ZAN: variants seen among roughly 807,000 people sequenced by gnomAD.
ZAN encodes zonadhesin.
ZAN carries 260 observed loss-of-function variants against 286.2 expected under a neutral mutation model. The observed-to-expected ratio is 0.91, with a 90% CI of 0.82 to 1.01. ZAN has a LOEUF of 1.01. Ranked by LOEUF, ZAN falls within the 50% of genes least tolerant of loss-of-function variation. The probability of loss-of-function intolerance (pLI) is 0.00; values close to 1 mark genes in which losing one functional copy is unlikely to be tolerated. For missense variants in ZAN, 3,410 were observed against 3,639.2 expected, an observed-to-expected ratio of 0.94 and a Z score of 1.62; for synonymous variants, 1,368 against 1,417.5, an observed-to-expected ratio of 0.97 and a Z score of 0.79.
chr7:100,744,813 A>C (rs1584553506), intron 7 of ZAN, among the ~76,000 whole-genome samples: 1 of 141,096 alleles, frequency 7.1e-6, no homozygotes. Flanking sequence ...TATTTTCTTC[A>C]CCTTTCACTT....
rs1178162133 is a variant in ZAN, at chr7:100,775,722, T to C, written c.6081T>C (p.Ser2027=). ...CCATCTCCCAGATCCCTGGGGTCAG[T>C]GTCAAGTCCAGCAGCATCTACAGCA... The part of the protein sequence containing the change: ...LPAISQIPGV[S]VKSSSIYSIV... The change falls in exon 33 of 48, where the codon AGT becomes AGC. Residue 2027 remains serine (S), a synonymous_variant. Coordinates refer to ENST00000613979, the MANE Select transcript of ZAN (RefSeq NM_003386.3). 1.2e-6 allele frequency: 2 copies of C among 1,613,784 alleles called. No homozygotes were observed. Among genetic ancestry groups the C allele is most frequent in the Non-Finnish European group, 8.5e-7 (1 of 1,179,876 alleles).
Position 100,769,979 on chromosome 7 carries a change from GAC to G in ZAN, c.5248+7_5248+8del, listed in dbSNP as rs1268717805. ...CGATCTTAATAAACCCTCAGGGTAA[GAC>G]ATGTCCCTGCTGGCCCTTTTTCCTC... On this transcript the variant is annotated splice_donor_region_variant and intron_variant, in intron 28 of 47. Transcript: ENST00000613979. The G allele has an allele frequency of 6.4e-7, 1 of 1,559,230 alleles. No homozygotes were observed.
At chr7:100,756,568 A>G (rs931745265) in intron 15 of ZAN, among the ~76,000 whole-genome samples, 1 of 151,896 alleles carries the variant, frequency 6.6e-6, no homozygotes, top group Non-Finnish European at 1.5e-5. Context: ...GCCTCCTTTA[A>G]CCAGTCTCCT....
intron 7 of ZAN, among the ~76,000 whole-genome samples, chr7:100,744,969 C>T (rs1171459213): frequency 1.3e-5 from 2 of 151,168 alleles, no homozygotes; most frequent in African/African-American, 2.4e-5. Flanking sequence ...CTGCAACCTC[C>T]GCCTCCCGGG....
Position 100,753,746 on chromosome 7 carries a change from T to A in ZAN, c.3124+517T>A, listed in dbSNP as rs559860363. The stretch of plus-strand genomic sequence containing the variant: ...TACTCGGGAGGCTGAGGTGGGAGGA[T>A]CACTTGAGCCTAGGAGGCTGAGGCT... On this transcript the variant is annotated intron_variant, in intron 14 of 47. Coordinates refer to ENST00000613979, the MANE Select transcript of ZAN (RefSeq NM_003386.3). Among the ~76,000 whole-genome samples the A allele has an allele frequency of 5.5e-5, 8 of 145,506 alleles. No homozygotes were observed. In the South Asian group the frequency reaches 1.7e-3, roughly 31 times the overall value.
chr7:100,766,870 C>T (rs1406634157), intron 24 of ZAN, 140 bp from the exon 25 acceptor site: 2 of 1,494,692 alleles, frequency 1.3e-6, no homozygotes, highest in Non-Finnish European at 1.8e-6. Flanking sequence ...CCAAGCCAAC[C>T]ACACTTCCTA....
At chr7:100,748,858 C>T (rs771043073) in intron 11 of ZAN, among the ~76,000 whole-genome samples, 2 of 149,040 alleles carry the variant, frequency 1.3e-5, no homozygotes, top group Non-Finnish European at 3.0e-5. Flanking sequence ...GTGAGAACCC[C>T]ATCTCTAGAA....
In ZAN at chr7:100,775,367, T is replaced by A. The variant is rs376128697; in HGVS notation, c.5819T>A (p.Val1940Glu). 2 of 1,611,080 alleles carry A rather than the reference T, an allele frequency of 1.2e-6. No homozygotes were observed. Among genetic ancestry groups the A allele is most frequent in the African/African-American group, 2.7e-5 (2 of 74,840 alleles). Residue 1940 changes from valine (V) to glutamate (E), a missense_variant, in exon 32 of 48, where the codon GTG becomes GAG. By Grantham distance (121) the Val-to-Glu change is moderately radical. Around this residue, in one of 7 missense-constraint regions of ZAN, gnomAD observed 1,289 missense variants for 1,314.3 expected, o/e 0.98. Coordinates refer to ENST00000613979, the MANE Select transcript of ZAN (RefSeq NM_003386.3). Reference protein sequence around the residue: ...VCQLPGESHYVSFDGSNHSIP... With the variant: ...VCQLPGESHYESFDGSNHSIP... ...CAGCTCCCAGGGGAGTCCCACTACG[T>A]GAGCTTTGATGGTAGTAACCATTCT...
Position 100,762,316 on chromosome 7 carries a change from A to G in ZAN, c.3944A>G (p.Glu1315Gly), listed in dbSNP as rs767063365. ...GGCAGCCCAGCAGGAGACAAGGAGG[A>G]GCTGGGGAACAGCTGGCAGACGGAC... Reference protein sequence around the residue: ...LDGSPAGDKEELGNSWQTDQD... With the variant: ...LDGSPAGDKEGLGNSWQTDQD... Residue 1315 changes from glutamate to glycine, a missense_variant, in exon 20 of 48, where the codon GAG becomes GGG. Around this residue, in one of 7 missense-constraint regions of ZAN, gnomAD observed 1,042 missense variants for 1,058.0 expected, o/e 0.98. Transcript: ENST00000613979. 1 of 1,610,500 alleles carries G rather than the reference A, an allele frequency of 6.2e-7. No homozygotes were observed. Among genetic ancestry groups the G allele is most frequent in the Non-Finnish European group, 8.5e-7 (1 of 1,177,926 alleles).
At chr7:100,780,521 C>A (rs1431418477) in intron 35 of ZAN, among the ~76,000 whole-genome samples, 1 of 151,562 alleles carries the variant, frequency 6.6e-6, no homozygotes, top group Non-Finnish European at 1.5e-5. Flanking sequence ...AAAAAATTAC[C>A]AAACTAGCTG....
At chr7:100,771,802 C>G in intron 28 of ZAN, 42 bp from the exon 29 acceptor site, 1 of 1,582,438 alleles carries the variant, frequency 6.3e-7, no homozygotes, top group South Asian at 1.1e-5. Context: ...CTGTTCCTTC[C>G]CGGCCCCTCC....
Position 100,767,972 on chromosome 7 carries a change from G to A in ZAN, c.5002G>A (p.Val1668Ile). 1 of 1,613,880 alleles carries A rather than the reference G, an allele frequency of 6.2e-7. No individual in the cohort carries two copies. The highest frequency in any genetic ancestry group is 8.5e-7 in the Non-Finnish European group (1 of 1,179,840). The stretch of plus-strand genomic sequence containing the variant: ...CGGGAGCCACTTGGTGGAAGTGACA[G>A]TCCCCTCCTCCTATGGCGGCCAGCT... ...YDGSHLVEVT[V>I]PSSYGGQLCG... Residue 1668 changes from valine (V) to isoleucine (I), a missense_variant, in exon 26 of 48, where the codon GTC (valine) becomes ATC (isoleucine). By Grantham distance (29) the Val-to-Ile change is conservative (BLOSUM62 3). This residue lies in a region of ZAN where 1,042 missense variants were observed against 1,058.0 expected (regional missense o/e 0.98). Transcript: ENST00000613979.
chr7:100,770,459 T>G (rs1049052431), intron 28 of ZAN, among the ~76,000 whole-genome samples: 2 of 140,944 alleles, frequency 1.4e-5, no homozygotes, highest in Admixed American at 7.3e-5. Context: ...AGCCGAGATT[T>G]CGCCACTGCA....
At chr7:100,764,958 C>T (rs554041131) in intron 22 of ZAN, among the ~76,000 whole-genome samples, 1 of 152,246 alleles carries the variant, frequency 6.6e-6, no homozygotes, top group East Asian at 1.9e-4. Context: ...GGGGAGGCAA[C>T]GAGGCTGCCT....
Position 100,762,368 on chromosome 7 carries a change from G to C in ZAN, c.3986+10G>C. 1 of 1,600,092 alleles carries C rather than the reference G, an allele frequency of 6.2e-7. No individual in the cohort carries two copies. Among genetic ancestry groups the C allele is most frequent in the Non-Finnish European group, 8.5e-7 (1 of 1,171,812 alleles). On this transcript the variant is annotated intron_variant, in intron 20 of 47. Coordinates refer to ENST00000613979, the MANE Select transcript of ZAN (RefSeq NM_003386.3). ...AGGACGAGGACCAGGAGTGAGCAAG[G>C]AGCCCTCCCACCGGGGCCCTGGGAA...
In ZAN at chr7:100,771,964, C is replaced by A; in HGVS notation, c.5369C>A (p.Ala1790Glu). ...TALCRSLQAYASLCAQAGQAP... is the reference protein window; with the variant it reads ...TALCRSLQAYESLCAQAGQAP... The stretch of plus-strand genomic sequence containing the variant: ...CTGTGCCGCTCCCTGCAGGCCTACG[C>A]GTCCCTGTGTGCCCAGGCTGGCCAG... Residue 1790 changes from alanine to glutamate, a missense_variant, in exon 29 of 48, where the codon GCG (alanine) becomes GAG (glutamate). By Grantham distance (107) the Ala-to-Glu change is moderately radical. This residue lies in a region of ZAN where 1,289 missense variants were observed against 1,314.3 expected (regional missense o/e 0.98). Transcript: ENST00000613979. 1 of 1,610,410 alleles carries A rather than the reference C, an allele frequency of 6.2e-7. No individual in the cohort carries two copies. The highest frequency in any genetic ancestry group is 8.5e-7 in the Non-Finnish European group (1 of 1,179,426).
chr7:100,766,512 C>A lies in ZAN; in HGVS notation c.4471-13C>A, dbSNP rs1167589990. 11 of 1,544,992 alleles carry A rather than the reference C, an allele frequency of 7.1e-6. No homozygotes were observed. In the Admixed American group the frequency reaches 1.6e-4, roughly 22 times the overall value. ...AAAAACACTTTCTCTTCCTTCCCTG[C>A]TGTCTTCCCCAGGTAGGGGAGCGGT... On this transcript the variant is annotated splice_polypyrimidine_tract_variant and intron_variant, in intron 23 of 47. Transcript: ENST00000613979.
At chr7:100,754,133 T>C (rs1808983046) in intron 14 of ZAN, among the ~76,000 whole-genome samples, 1 of 152,104 alleles carries the variant, frequency 6.6e-6, no homozygotes, top group Non-Finnish European at 1.5e-5. Context: ...CCATCCATAC[T>C]GTAGCATGCA....
chr7:100,766,773 G>C, intron 24 of ZAN, 107 bp downstream of exon 24: 6 of 1,460,378 alleles, frequency 4.1e-6, no homozygotes, highest in Non-Finnish European at 3.6e-6. Flanking sequence ...TCTCCACCAG[G>C]GCCTGGGAGG....
Sources: allele counts gnomAD v4.1 joint callset (sites outside exome capture counted in the v4.1 genomes callset), GRCh38; gene constraint gnomAD v4.1.1; regional missense constraint gnomAD v4.1.1; transcripts MANE v1.5; gene names NCBI Gene and HGNC (gene_info 2026-07-23, HGNC 2026-07-21).